GALNT1: variants seen among roughly 807,000 people sequenced by gnomAD.
GALNT1 encodes polypeptide N-acetylgalactosaminyltransferase 1.
A neutral mutation model predicts 65.7 loss-of-function variants in GALNT1; 17 were observed. The ratio of observed to expected loss-of-function variants is 0.26; its 90% confidence interval spans 0.18 to 0.39. GALNT1 has a LOEUF of 0.39. Ranked by LOEUF, GALNT1 falls within the 10% of genes least tolerant of loss-of-function variation. The probability of loss-of-function intolerance (pLI) is 1.00; values close to 1 mark genes in which losing one functional copy is unlikely to be tolerated. For synonymous variants in GALNT1, 210 were observed against 219.7 expected (o/e 0.96, Z 0.39); for missense variants, 460 against 672.8 (o/e 0.68, Z 3.50).
At chr18:35,669,365 T>C (rs2047597612) in intron 3 of GALNT1, among the ~76,000 whole-genome samples, 1 of 152,250 alleles carries the variant, frequency 6.6e-6, no homozygotes, top group South Asian at 2.1e-4. Context: ...GAAATCAGCA[T>C]GATCTTGATA....
intron 8 of GALNT1, among the ~76,000 whole-genome samples, chr18:35,691,966 A>G (rs538077087): frequency 1.2e-4 from 18 of 152,306 alleles, no homozygotes; most frequent in African/African-American, 4.3e-4. Flanking sequence ...TCATTCTCAC[A>G]TAAATGTCAT....
intron 3 of GALNT1, among the ~76,000 whole-genome samples, chr18:35,675,015 G>A (rs1413363902): frequency 7.2e-6 from 1 of 138,706 alleles, no homozygotes; most frequent in African/African-American, 2.7e-5. Flanking sequence ...AAAAAAGCTC[G>A]TTTTCATAAC....
At chr18:35,627,882 T>C (rs892416166) in intron 1 of GALNT1, among the ~76,000 whole-genome samples, 1 of 152,096 alleles carries the variant, frequency 6.6e-6, no homozygotes. Context: ...ATACTGCGCT[T>C]TTCTGATGGT....
intron 1 of GALNT1, among the ~76,000 whole-genome samples, chr18:35,649,106 G>A (rs944761552): frequency 1.6e-4 from 24 of 152,300 alleles, no homozygotes; most frequent in Admixed American, 1.0e-3. Flanking sequence ...AAATAGGAAC[G>A]GGATTACAGA....
chr18:35,582,825 T>C (rs2143802134), intron 1 of GALNT1, among the ~76,000 whole-genome samples: 1 of 152,360 alleles, frequency 6.6e-6, no homozygotes, highest in African/African-American at 2.4e-5. Context: ...CTAGACCTTG[T>C]TAGTCCAGTC....
At chr18:35,625,466 A>G (rs1198609960) in intron 1 of GALNT1, among the ~76,000 whole-genome samples, 2 of 152,212 alleles carry the variant, frequency 1.3e-5, no homozygotes, top group Non-Finnish European at 1.5e-5. Flanking sequence ...AGTAGAATGA[A>G]GCTGAGAAAG....
intron 1 of GALNT1, among the ~76,000 whole-genome samples, chr18:35,647,030 G>A (rs189664449): frequency 3.9e-5 from 6 of 152,206 alleles, no homozygotes; most frequent in South Asian, 2.1e-4. Flanking sequence ...TTGTCCCATC[G>A]TATCTCTTGT....
intron 1 of GALNT1, among the ~76,000 whole-genome samples, chr18:35,615,986 A>G (rs1326608542): frequency 6.6e-6 from 1 of 152,226 alleles, no homozygotes; most frequent in African/African-American, 2.4e-5. Flanking sequence ...GTGCAAAAGC[A>G]GCTGTAAACC....
In GALNT1 at chr18:35,586,092, G is replaced by A. The variant is rs114984175; in HGVS notation, c.-104+4230G>A. 3.0e-3 allele frequency among the ~76,000 whole-genome samples: 462 copies of A among 152,250 alleles called. 6 individuals carry two copies. The highest frequency in any genetic ancestry group is 0.01 in the African/African-American group (432 of 41,524). ...CATGGCTGGAACATCCCAAAGTGCC[G>A]GGATTACAGGCATGAGGCACCACGC... On this transcript the variant is annotated intron_variant, in intron 1 of 11. Coordinates refer to ENST00000269195, the MANE Select transcript of GALNT1 (RefSeq NM_020474.4).
rs2048338220 is a variant in GALNT1, at chr18:35,710,614, T to TA, written c.*845dup. ...AATGTCTGATCTCAGCTGAACAAAT[T>TA]AGATGTTTCAGTTGCTCTTGGGTCA... On this transcript the variant is annotated 3_prime_UTR_variant, in exon 12 of 12. Coordinates refer to ENST00000269195, the MANE Select transcript of GALNT1 (RefSeq NM_020474.4). 6.6e-6 allele frequency: 1 copy of TA among 152,548 alleles called. No homozygotes were observed. The highest frequency in any genetic ancestry group is 1.5e-5 in the Non-Finnish European group (1 of 68,034). The allele number at this position is 152,548 out of a possible 1,614,324, so 9.4% of individuals were successfully genotyped here. A position where few individuals can be genotyped will look rare whatever the true frequency, so the allele number is the denominator to read the frequency against.
intron 1 of GALNT1, among the ~76,000 whole-genome samples, chr18:35,588,640 C>T (rs1212188687): frequency 6.6e-6 from 1 of 152,100 alleles, no homozygotes; most frequent in Non-Finnish European, 1.5e-5. Context: ...CCATTTCTCT[C>T]TTATTCATAT....
chr18:35,640,066 AG>A (rs1463695506), intron 1 of GALNT1, among the ~76,000 whole-genome samples: 2 of 152,134 alleles, frequency 1.3e-5, no homozygotes, highest in Admixed American at 6.5e-5. Flanking sequence ...CCAAAGTGCT[AG>A]GATTACAGGT....
At chr18:35,687,708 T>C (rs1307367783) in intron 6 of GALNT1, among the ~76,000 whole-genome samples, 1 of 152,138 alleles carries the variant, frequency 6.6e-6, no homozygotes, top group Non-Finnish European at 1.5e-5. Context: ...TTCTCTGATT[T>C]TTTTTCTCTA....
At chr18:35,669,085 C>G (rs1027721104) in intron 3 of GALNT1, among the ~76,000 whole-genome samples, 2 of 152,018 alleles carry the variant, frequency 1.3e-5, no homozygotes, top group African/African-American at 4.8e-5. Flanking sequence ...ACTAAAACTA[C>G]AAAAAATTAG....
At chr18:35,709,528 A>C (rs2048322279) in intron 11 of GALNT1, 96 bp from the exon 12 acceptor site, 2 of 1,341,600 alleles carry the variant, frequency 1.5e-6, no homozygotes, top group African/African-American at 1.5e-5. Context: ...ATTACCAAAA[A>C]AAACACCTTT....
At chr18:35,590,589 TAG>T (rs1272680905) in intron 1 of GALNT1, among the ~76,000 whole-genome samples, 2 of 152,220 alleles carry the variant, frequency 1.3e-5, no homozygotes, top group Non-Finnish European at 2.9e-5. Context: ...ATTGCATTGG[TAG>T]AGACACATAC....
intron 1 of GALNT1, among the ~76,000 whole-genome samples, chr18:35,624,018 G>A (rs1369554025): frequency 1.3e-5 from 2 of 151,978 alleles, no homozygotes; most frequent in Non-Finnish European, 2.9e-5. Flanking sequence ...TTCTCTTAAC[G>A]AATATTGATT....
At chr18:35,664,831 C>A (rs2047524250) in intron 3 of GALNT1, among the ~76,000 whole-genome samples, 1 of 152,194 alleles carries the variant, frequency 6.6e-6, no homozygotes, top group African/African-American at 2.4e-5. Context: ...TTGATGCTGG[C>A]AGCCAAGCTT....
chr18:35,637,077 C>T (rs937103057), intron 1 of GALNT1, among the ~76,000 whole-genome samples: 13 of 152,112 alleles, frequency 8.5e-5, no homozygotes, highest in Non-Finnish European at 2.9e-5. Flanking sequence ...CTCCGCCGAC[C>T]AGCCGTTTCC....
Sources: gnomAD v4.1 joint callset for allele counts (sites outside exome capture counted in the v4.1 genomes callset) on GRCh38, gnomAD v4.1.1 for gene constraint, MANE v1.5 for transcripts, NCBI Gene and HGNC (gene_info 2026-07-23, HGNC 2026-07-21) for gene names.